Variants in NOP58 observed in about 807,000 individuals in gnomAD.
NOP58 encodes NOP58 ribonucleoprotein.
In NOP58, 44 loss-of-function variants were observed where a neutral mutation model predicts 71.2. That is an observed-to-expected ratio of 0.62 (90% CI 0.49 to 0.79). The LOEUF (loss-of-function observed/expected upper bound fraction) is 0.79. NOP58 is among the 30% of genes least tolerant of loss of function. NOP58 has a pLI of 0.00. For missense variants in NOP58, 538 were observed against 620.2 expected (o/e 0.87, Z 1.41); for synonymous variants, 228 against 200.3 (o/e 1.14, Z -1.17).
chr2:202,268,139 A>G (rs2105834303), intron 1 of NOP58, among the ~76,000 whole-genome samples: 1 of 152,322 alleles, frequency 6.6e-6, no homozygotes, highest in Non-Finnish European at 1.5e-5. Context: ...TACATGTAAA[A>G]TTAATATGAT....
rs1396949723 is a variant in NOP58 at position 202,291,829 on chromosome 2, AG to A, written c.780+561del. 1.1e-3 allele frequency among the ~76,000 whole-genome samples: 147 copies of A among 138,396 alleles called. 2 individuals are homozygous for A. Among genetic ancestry groups the A allele is most frequent in the African/African-American group, 4.6e-3 (139 of 30,452 alleles). 90.8% of individuals were successfully genotyped at this position (138,396 alleles called of 152,430 possible). A position where few individuals can be genotyped will look rare whatever the true frequency, so the allele number is the denominator to read the frequency against. ...CTCAAAAAAAAAAAAAAAAAAAAAA[AG>A]GATGGCAGACAATTATGGATTGAGC... On this transcript the variant is annotated intron_variant, in intron 8 of 14. Coordinates refer to ENST00000264279, the MANE Select transcript of NOP58 (RefSeq NM_015934.5).
At chr2:202,302,715 G>A (rs1689115048) in intron 13 of NOP58, among the ~76,000 whole-genome samples, 2 of 152,138 alleles carry the variant, frequency 1.3e-5, no homozygotes, top group African/African-American at 4.8e-5. Flanking sequence ...CTTCATGATC[G>A]TGAGAAGATT....
chr2:202,296,064 T>C (rs1386970023), intron 10 of NOP58, among the ~76,000 whole-genome samples: 1 of 123,660 alleles, frequency 8.1e-6, no homozygotes, highest in Non-Finnish European at 1.9e-5. Context: ...TGTGTTAGTA[T>C]TTTTTTCCCC....
Position 202,303,636 on chromosome 2 carries a change from C to A in NOP58, c.*200C>A. The A allele has an allele frequency of 2.0e-6, 1 of 502,644 alleles. No homozygotes were observed. The highest frequency in any genetic ancestry group is 3.2e-6 in the Non-Finnish European group (1 of 314,706). The allele number at this position is 502,644 out of a possible 1,614,324, so 31.1% of individuals were successfully genotyped here. ...ATCATTTCTTAGAGTCTTTGATATACAAATAAAATTTTCTTTGTATTTTAA... is the reference window on the plus strand; with the variant it reads ...ATCATTTCTTAGAGTCTTTGATATAAAAATAAAATTTTCTTTGTATTTTAA... On this transcript the variant is annotated 3_prime_UTR_variant, in exon 15 of 15. Transcript: ENST00000264279.
intron 2 of NOP58, among the ~76,000 whole-genome samples, chr2:202,277,114 C>A (rs562185664): frequency 7.0e-4 from 106 of 152,212 alleles, no homozygotes; most frequent in African/African-American, 2.1e-3. Flanking sequence ...GGTGAAACCC[C>A]GTCTCTACGA....
intron 2 of NOP58, chr2:202,276,434 G>A (rs749622358): frequency 2.0e-5 from 10 of 508,342 alleles, no homozygotes; most frequent in Admixed American, 5.9e-5. Context: ...AATCTGATTC[G>A]TTGTTGTCAA....
intron 8 of NOP58, chr2:202,291,479 C>A: frequency 2.7e-6 from 1 of 376,020 alleles, no homozygotes; most frequent in Admixed American, 4.4e-5. Context: ...TTACAATCAT[C>A]GTCTGAATAA....
chr2:202,267,088 G>C (rs1338611572), intron 1 of NOP58, among the ~76,000 whole-genome samples: 1 of 152,088 alleles, frequency 6.6e-6, no homozygotes, highest in Non-Finnish European at 1.5e-5. Context: ...CATTCGTATC[G>C]CAAGATGCTG....
intron 9 of NOP58, among the ~76,000 whole-genome samples, chr2:202,294,432 C>G (rs1379930871): frequency 6.6e-6 from 1 of 151,508 alleles, no homozygotes. Flanking sequence ...TGTTTTCTGA[C>G]AGGAAATATT....
intron 9 of NOP58, among the ~76,000 whole-genome samples, chr2:202,293,898 C>T (rs1186589284): frequency 6.6e-6 from 1 of 152,002 alleles, no homozygotes; most frequent in Non-Finnish European, 1.5e-5. Context: ...TTAGCTGCAT[C>T]ATTAATCAAA....
chr2:202,277,116 T>C (rs62194070), intron 2 of NOP58, among the ~76,000 whole-genome samples: 10,929 of 152,098 alleles, frequency 0.072, 523 homozygotes, highest in Non-Finnish European at 0.1. Context: ...TGAAACCCCG[T>C]CTCTACGAAA....
intron 7 of NOP58, 47 bp downstream of exon 7, chr2:202,290,504 G>C (rs750550415): frequency 1.3e-6 from 2 of 1,518,270 alleles, no homozygotes; most frequent in African/African-American, 2.8e-5. Context: ...AAATGAATTT[G>C]ATTGCATCCT....
chr2:202,281,275 A>T (rs1381902606), intron 3 of NOP58, among the ~76,000 whole-genome samples: 1 of 151,596 alleles, frequency 6.6e-6, no homozygotes, highest in African/African-American at 2.4e-5. Flanking sequence ...TACAGGCGTG[A>T]GCCACCAGGG....
At chr2:202,299,443 A>G (rs2105857704) in intron 12 of NOP58, among the ~76,000 whole-genome samples, 1 of 151,652 alleles carries the variant, frequency 6.6e-6, no homozygotes, top group South Asian at 2.1e-4. Context: ...TACAATAGCC[A>G]TACATTCTGC....
chr2:202,290,292 G>C, intron 6 of NOP58, 31 bp from the exon 7 acceptor site: 4 of 1,552,542 alleles, frequency 2.6e-6, no homozygotes, highest in Non-Finnish European at 3.5e-6. Flanking sequence ...ATCCCTTTAA[G>C]TTTTGTTTGT....
rs1559262361 is a variant in NOP58 at position 202,282,336 on chromosome 2, CT to C, written c.176-10del. ...TTTGAGAGTTAATGCTTTTGTTTTT[CT>C]TTTTCTTGAAAAGCATTCACAGCTC... On this transcript the variant is annotated splice_polypyrimidine_tract_variant and intron_variant, in intron 3 of 14. Coordinates refer to ENST00000264279, the MANE Select transcript of NOP58 (RefSeq NM_015934.5). The C allele has an allele frequency of 1.9e-6, 3 of 1,586,380 alleles. No individual in the cohort carries two copies. Among genetic ancestry groups the C allele is most frequent in the Non-Finnish European group, 2.6e-6 (3 of 1,173,494 alleles).
Position 202,282,386 on chromosome 2 carries a change from C to G in NOP58, c.211C>G (p.Gln71Glu). The change falls in exon 4 of 15, where the codon CAG becomes GAG. Residue 71 changes from glutamine (Q) to glutamate (E), a missense_variant. Gln to Glu is a conservative substitution (Grantham distance 29, BLOSUM62 2). Coordinates refer to ENST00000264279, the MANE Select transcript of NOP58 (RefSeq NM_015934.5). ...TCTGATGGAGGGCAAAATCAATAAG[C>G]AGCTGAAAAAAGTTCTGAAGAAAAT... ...TALMEGKINK[Q>E]LKKVLKKIVK... 1.2e-6 allele frequency: 2 copies of G among 1,612,696 alleles called. No homozygotes were observed. Among genetic ancestry groups the G allele is most frequent in the Non-Finnish European group, 1.7e-6 (2 of 1,179,612 alleles).
chr2:202,266,113 G>C lies in NOP58; in HGVS notation c.45+127G>C. ...TGTTATAGCCCGGGCTCTGGGAGGA[G>C]GGAGAAGGCCTTTACACCTGAGAGC... is the stretch of plus-strand genomic sequence containing the variant. On this transcript the variant is annotated intron_variant, in intron 1 of 14. Transcript: ENST00000264279. 3 of 1,091,494 alleles carry C rather than the reference G, an allele frequency of 2.7e-6. No individual in the cohort carries two copies. The South Asian group carries it at 3.9e-5, about 14-fold the overall frequency. 67.6% of individuals were successfully genotyped at this position (1,091,494 alleles called of 1,614,324 possible).
At chr2:202,278,261 C>T (rs78470780) in intron 3 of NOP58, 1 of 577,892 alleles carries the variant, frequency 1.7e-6, no homozygotes, top group Non-Finnish European at 3.4e-6. Context: ...TTAAGTTGAT[C>T]TCCCTGTGGA....
Sources: gnomAD v4.1 joint callset for allele counts (sites outside exome capture counted in the v4.1 genomes callset) on GRCh38, gnomAD v4.1.1 for gene constraint, MANE v1.5 for transcripts, NCBI Gene and HGNC (gene_info 2026-07-23, HGNC 2026-07-21) for gene names.